MSANTD4: variants seen among roughly 807,000 people sequenced by gnomAD.
MSANTD4 encodes the protein Myb/SANT DNA binding domain containing 4 with coiled-coils.
Under a neutral mutation model 34.3 loss-of-function variants are expected in MSANTD4, and 13 were observed. The observed-to-expected ratio is 0.38, with a 90% confidence interval of 0.25 to 0.60. The LOEUF is 0.60. Ranked by LOEUF, MSANTD4 falls within the 20% of genes least tolerant of loss-of-function variation. The probability of loss-of-function intolerance (pLI) is 0.63; values close to 1 mark genes in which losing one functional copy is unlikely to be tolerated. For missense variants in MSANTD4, 358 were observed against 401.8 expected (o/e 0.89, Z 0.93); for synonymous variants, 137 against 145.2 (o/e 0.94, Z 0.41).
At chr11:106,010,353 T>C in intron 2 of MSANTD4, 103 bp downstream of exon 2, 1 of 1,481,186 alleles carries the variant, frequency 6.8e-7, no homozygotes. Context: ...GTACTATTTT[T>C]AAATAAGCTT....
At chr11:106,018,144 T>C (rs888728478) in intron 1 of MSANTD4, among the ~76,000 whole-genome samples, 1 of 152,186 alleles carries the variant, frequency 6.6e-6, no homozygotes, top group African/African-American at 2.4e-5. Flanking sequence ...GAAAAGGTGA[T>C]TAATATTAAC....
intron 1 of MSANTD4, among the ~76,000 whole-genome samples, chr11:106,013,774 A>G (rs967411601): frequency 8.5e-5 from 13 of 152,214 alleles, no homozygotes; most frequent in Admixed American, 7.9e-4. Flanking sequence ...AGGCATGAGA[A>G]TCGCTTGAAC....
At position 106,010,633 on chromosome 11, in the gene MSANTD4, T is replaced by A. The variant is rs1469343271; in HGVS notation, c.285A>T (p.Gly95=). 6.2e-6 allele frequency: 10 copies of A among 1,614,046 alleles called. No homozygotes were observed. Reference sequence around the variant, plus strand: ...CCAAATCAGAGGAGGGAAGGGGAAATCCTGAACCAACCAGCTTAATGTTGG... The same window carrying A: ...CCAAATCAGAGGAGGGAAGGGGAAAACCTGAACCAACCAGCTTAATGTTGG... ...MKANIKLVGS[G]FPLPSSDLDD... is the part of the protein sequence containing the mutation. Residue 95 remains glycine, a synonymous_variant, in exon 2 of 3, where the codon GGA becomes GGT. Transcript: ENST00000301919.
intron 1 of MSANTD4, among the ~76,000 whole-genome samples, chr11:106,016,414 G>C (rs1362149453): frequency 2.0e-5 from 3 of 152,134 alleles, no homozygotes; most frequent in Non-Finnish European, 4.4e-5. Flanking sequence ...AAGAATTATT[G>C]GTCAAAACTT....
intron 1 of MSANTD4, among the ~76,000 whole-genome samples, chr11:106,012,979 G>A (rs758532252): frequency 6.6e-6 from 1 of 152,162 alleles, no homozygotes; most frequent in African/African-American, 2.4e-5. Context: ...TCAGGGACTC[G>A]ATTGTCTCAT....
chr11:106,020,273 G>A (rs547527709), intron 1 of MSANTD4, among the ~76,000 whole-genome samples: 150 of 152,268 alleles, frequency 9.9e-4, no homozygotes, highest in Non-Finnish European at 1.9e-3. Context: ...GAAGTATCAG[G>A]AATTAAAGCT....
At chr11:106,011,234 G>A (rs368036409) in intron 1 of MSANTD4, among the ~76,000 whole-genome samples, 167 bp from the exon 2 acceptor site, 21 of 152,196 alleles carry the variant, frequency 1.4e-4, no homozygotes, top group Non-Finnish European at 1.8e-4. Flanking sequence ...CCAAATTGCC[G>A]TTTTCTCCCC....
chr11:106,019,363 AC>A (rs1471624413), intron 1 of MSANTD4, among the ~76,000 whole-genome samples: 1 of 152,214 alleles, frequency 6.6e-6, no homozygotes, highest in Non-Finnish European at 1.5e-5. Context: ...ATTTTATTTA[AC>A]CCAATATATC....
At chr11:106,011,164 A>T in intron 1 of MSANTD4, 97 bp from the exon 2 acceptor site, 1 of 534,062 alleles carries the variant, frequency 1.9e-6, no homozygotes, top group Non-Finnish European at 3.0e-6. Flanking sequence ...AACAAAAAAC[A>T]ACCCTCTAAA....
Position 106,009,469 on chromosome 11 carries a change from T to G in MSANTD4, c.*66A>C. On this transcript the variant is annotated 3_prime_UTR_variant, in exon 3 of 3. Coordinates refer to ENST00000301919, the MANE Select transcript of MSANTD4 (RefSeq NM_032424.3). ...ACCACAGCTAATCCAGCAACCATCA[T>G]TATATCACCTGATATGAGAAAAATC... The G allele has an allele frequency of 6.9e-7, 1 of 1,442,658 alleles. No homozygotes were observed. Among genetic ancestry groups the G allele is most frequent in the Non-Finnish European group, 9.4e-7 (1 of 1,065,582 alleles). 89.4% of individuals were successfully genotyped at this position (1,442,658 alleles called of 1,614,324 possible). A position where few individuals can be genotyped will look rare whatever the true frequency, so the allele number is the denominator to read the frequency against.
At chr11:106,011,758 A>C (rs781030603) in intron 1 of MSANTD4, among the ~76,000 whole-genome samples, 3 of 152,224 alleles carry the variant, frequency 2.0e-5, no homozygotes, top group Non-Finnish European at 4.4e-5. Flanking sequence ...GAATGAATGA[A>C]AGAGTCGATT....
chr11:106,020,226 TATAAAAC>T (rs1242863374), intron 1 of MSANTD4, among the ~76,000 whole-genome samples: 1 of 152,224 alleles, frequency 6.6e-6, no homozygotes, highest in African/African-American at 2.4e-5. Flanking sequence ...ATTTGGGTCT[TATAAAAC>T]AGACTAATGA....
chr11:106,020,606 C>G (rs148086390), intron 1 of MSANTD4, among the ~76,000 whole-genome samples: 455 of 152,252 alleles, frequency 3.0e-3, no homozygotes, highest in African/African-American at 0.01. Context: ...GTAGAAATAG[C>G]AGTCCTTTTG....
In MSANTD4 at chr11:106,009,442, A is replaced by G; in HGVS notation, c.*93T>C. 5 of 1,256,100 alleles carry G rather than the reference A, an allele frequency of 4.0e-6. No homozygotes were observed. The highest frequency in any genetic ancestry group is 5.5e-6 in the Non-Finnish European group (5 of 907,098). The allele number at this position is 1,256,100 out of a possible 1,614,324, so 77.8% of individuals were successfully genotyped here. A position where few individuals can be genotyped will look rare whatever the true frequency, so the allele number is the denominator to read the frequency against. Reference sequence around the variant, plus strand: ...CTACTGAACACTGACATTAGACAAGAAACCACAGCTAATCCAGCAACCATC... The same window carrying G: ...CTACTGAACACTGACATTAGACAAGGAACCACAGCTAATCCAGCAACCATC... On this transcript the variant is annotated 3_prime_UTR_variant, in exon 3 of 3. Transcript: ENST00000301919.
In MSANTD4 at chr11:106,022,134, C is replaced by G. The variant is rs1343021127; in HGVS notation, c.-1323G>C. ...TCCGGGACCCTACCCACTGCGAGGGCACCCACTGGTCACGGAGCCGCCGCT... is the reference window on the plus strand; with the variant it reads ...TCCGGGACCCTACCCACTGCGAGGGGACCCACTGGTCACGGAGCCGCCGCT... On this transcript the variant is annotated 5_prime_UTR_variant, in exon 1 of 3. Coordinates refer to ENST00000301919, the MANE Select transcript of MSANTD4 (RefSeq NM_032424.3). 1 of 152,784 alleles carries G rather than the reference C, an allele frequency of 6.5e-6. No homozygotes were observed. The highest frequency in any genetic ancestry group is 1.5e-5 in the Non-Finnish European group (1 of 68,558). 9.5% of individuals were successfully genotyped at this position (152,784 alleles called of 1,614,324 possible).
At position 106,016,462 on chromosome 11, in the gene MSANTD4, C is replaced by T. The variant is rs530743787; in HGVS notation, c.-151+4500G>A. On this transcript the variant is annotated intron_variant, in intron 1 of 2. Coordinates refer to ENST00000301919, the MANE Select transcript of MSANTD4 (RefSeq NM_032424.3). ...CTACAATCTGCCCCACCTCTAAGGA[C>T]CTAGGAGATAGTCGCCCATCTGCTC... Among the ~76,000 whole-genome samples, 3 of 152,284 alleles carry T rather than the reference C, an allele frequency of 2.0e-5. No individual in the cohort carries two copies. The South Asian group carries it at 6.2e-4, about 32-fold the overall frequency.
chr11:106,013,064 T>C (rs887495012), intron 1 of MSANTD4, among the ~76,000 whole-genome samples: 1 of 152,202 alleles, frequency 6.6e-6, no homozygotes, highest in African/African-American at 2.4e-5. Context: ...GCTTTATTAA[T>C]ATTGATTCAA....
Position 106,010,556 on chromosome 11 carries a change from G to A in MSANTD4, c.362C>T (p.Ala121Val). 1 of 1,614,128 alleles carries A rather than the reference G, an allele frequency of 6.2e-7. No homozygotes were observed. The highest frequency in any genetic ancestry group is 8.5e-7 in the Non-Finnish European group (1 of 1,180,018). ...IDEKIGFRND[A>V]NFDWQNVADF... ...TGCCACATTTTGCCAGTCAAAATTT[G>A]CATCATTTCGGAATCCAATCTTTTC... is the stretch of plus-strand genomic sequence containing the variant. The change falls in exon 2 of 3, where the codon GCA (alanine) becomes GTA (valine). Residue 121 changes from alanine to valine, a missense_variant. This residue lies in a region of MSANTD4 where 312 missense variants were observed against 317.6 expected (regional missense o/e 0.98). Transcript: ENST00000301919.
intron 1 of MSANTD4, among the ~76,000 whole-genome samples, chr11:106,019,666 T>G (rs1319386030): frequency 6.6e-6 from 1 of 152,198 alleles, no homozygotes; most frequent in Non-Finnish European, 1.5e-5. Context: ...CCCTATGTGC[T>G]TCCACTATCA....
Sources: gnomAD v4.1 joint callset for allele counts (sites outside exome capture counted in the v4.1 genomes callset) on GRCh38, gnomAD v4.1.1 for gene constraint, gnomAD v4.1.1 regional missense constraint, MANE v1.5 for transcripts, NCBI Gene and HGNC (gene_info 2026-07-23, HGNC 2026-07-21) for gene names.